The following SYT1 variants were observed in gnomAD, a reference collection of about 807,000 sequenced individuals.
SYT1 encodes synaptotagmin-1.
In SYT1, 8 loss-of-function variants were observed where a neutral mutation model predicts 44.8. The observed-to-expected ratio is 0.18, with a 90% CI of 0.10 to 0.32. SYT1 has a LOEUF of 0.32. Among genes scored for constraint, SYT1 ranks in the 10% least tolerant of loss-of-function variants. The pLI is 1.00. For missense variants in SYT1, 286 were observed against 509.3 expected (o/e 0.56, Z 4.22); for synonymous variants, 154 against 188.8 (o/e 0.82, Z 1.51).
At chr12:79,245,032 GTT>G (rs1876740429) in intron 4 of SYT1, among the ~76,000 whole-genome samples, 1 of 152,068 alleles carries the variant, frequency 6.6e-6, no homozygotes, top group African/African-American at 2.4e-5. Flanking sequence ...TGAGCAATGA[GTT>G]TTCTGGCCGA....
At chr12:79,424,464 G>C (rs374111835) in intron 9 of SYT1, among the ~76,000 whole-genome samples, 2 of 152,156 alleles carry the variant, frequency 1.3e-5, no homozygotes, top group African/African-American at 4.8e-5. Flanking sequence ...CAAGAGTAGA[G>C]AGGGTAGTAC....
At chr12:78,931,175 AAGAAAAAGAAAG>A (rs1877619362) in intron 1 of SYT1, among the ~76,000 whole-genome samples, 1 of 119,092 alleles carries the variant, frequency 8.4e-6, no homozygotes, top group African/African-American at 3.8e-5. Flanking sequence ...GAAAGAAAGA[AAGAAAAAGAAAG>A]AAAGAAAGAA....
chr12:78,961,716 C>G (rs1429236169), intron 1 of SYT1, among the ~76,000 whole-genome samples: 1 of 152,038 alleles, frequency 6.6e-6, no homozygotes, highest in African/African-American at 2.4e-5. Context: ...CAGAAGGGCT[C>G]TTAGTACAGA....
intron 3 of SYT1, among the ~76,000 whole-genome samples, chr12:79,148,323 A>T (rs1870051310): frequency 6.6e-6 from 1 of 152,174 alleles, no homozygotes; most frequent in Non-Finnish European, 1.5e-5. Flanking sequence ...AGGTAAAAAT[A>T]ATCAATTTAG....
At chr12:79,146,572 A>AG (rs540868841) in intron 3 of SYT1, among the ~76,000 whole-genome samples, 69 of 152,338 alleles carry the variant, frequency 4.5e-4, no homozygotes, top group Non-Finnish European at 8.1e-4. Flanking sequence ...TGCTTTGAGT[A>AG]GTGTGAAATG....
rs535653658 is a variant in SYT1, at chr12:79,259,488, C to G, written c.167-26299C>G. On this transcript the variant is annotated intron_variant, in intron 4 of 10. Transcript: ENST00000261205. ...GTGGCTCATGCCTATAATCCCAGCA[C>G]TTTAGGAAGCAAAGACTGGAGAATG... is the stretch of plus-strand genomic sequence containing the variant. Among the ~76,000 whole-genome samples, 3 of 152,268 alleles carry G rather than the reference C, an allele frequency of 2.0e-5. No homozygotes were observed. The East Asian group carries it at 5.8e-4, about 29-fold the overall frequency.
intron 9 of SYT1, among the ~76,000 whole-genome samples, chr12:79,382,082 A>C (rs1043244984): frequency 1.3e-5 from 2 of 152,062 alleles, no homozygotes; most frequent in Non-Finnish European, 2.9e-5. Context: ...CGTGTTTTTC[A>C]ATCAGTCGTC....
chr12:79,246,386 G>C (rs536761124), intron 4 of SYT1, among the ~76,000 whole-genome samples: 20 of 151,966 alleles, frequency 1.3e-4, no homozygotes, highest in Admixed American at 2.0e-4. Context: ...TCTTTCTCTG[G>C]ATTTCCACTT....
intron 3 of SYT1, among the ~76,000 whole-genome samples, chr12:79,126,254 GT>G (rs1868430528): frequency 6.6e-6 from 1 of 152,056 alleles, no homozygotes; most frequent in Non-Finnish European, 1.5e-5. Flanking sequence ...GTTTTGTTTT[GT>G]TTTGTTTTGT....
chr12:79,307,637 TGGG>T (rs545660437), intron 8 of SYT1, among the ~76,000 whole-genome samples: 1,381 of 14,088 alleles, frequency 0.098, 26 homozygotes, highest in African/African-American at 0.24. Context: ...TGGGGGGGCG[TGGG>T]GGGGGGCGGC....
At chr12:78,939,229 G>A (rs1008725864) in intron 1 of SYT1, among the ~76,000 whole-genome samples, 1 of 152,182 alleles carries the variant, frequency 6.6e-6, no homozygotes, top group South Asian at 2.1e-4. Context: ...AAATGCAAAT[G>A]TGGACTATGA....
chr12:79,029,006 A>G (rs1306187045), intron 2 of SYT1, among the ~76,000 whole-genome samples: 3 of 151,194 alleles, frequency 2.0e-5, no homozygotes, highest in East Asian at 1.9e-4. Flanking sequence ...AAAATATTTC[A>G]TTTTTCTATA....
chr12:79,385,332 A>AT (rs1021678865), intron 9 of SYT1, among the ~76,000 whole-genome samples: 5 of 151,960 alleles, frequency 3.3e-5, no homozygotes, highest in East Asian at 1.9e-4. Flanking sequence ...TCAAAAAAAG[A>AT]TTTTTTTTTC....
Position 79,353,594 on chromosome 12 carries a change from G to A in SYT1, c.903G>A (p.Lys301=), listed in dbSNP as rs762485571. The A allele has an allele frequency of 6.2e-7, 1 of 1,614,048 alleles. No individual in the cohort carries two copies. The highest frequency in any genetic ancestry group is 8.5e-7 in the Non-Finnish European group (1 of 1,179,874). The change falls in exon 9 of 11, where the codon AAG becomes AAA. Residue 301 remains lysine (K), a synonymous_variant. Transcript: ENST00000261205. ...TCATTCTGGAGGCAAAGAACCTGAA[G>A]AAGATGGATGTGGGTGGCTTATCCG... is the stretch of plus-strand genomic sequence containing the variant. ...TVVILEAKNL[K]KMDVGGLSDP... is the part of the protein sequence containing the mutation.
intron 9 of SYT1, among the ~76,000 whole-genome samples, chr12:79,375,153 G>A (rs948377052): frequency 1.3e-5 from 2 of 151,720 alleles, no homozygotes; most frequent in East Asian, 1.9e-4. Context: ...CTTAGCTTAC[G>A]ACCTACAGAA....
intron 1 of SYT1, among the ~76,000 whole-genome samples, chr12:78,897,983 A>G (rs1251897199): frequency 6.6e-6 from 1 of 151,988 alleles, no homozygotes; most frequent in East Asian, 1.9e-4. Flanking sequence ...AAAGGGTGAA[A>G]CATCTCAGAT....
intron 6 of SYT1, among the ~76,000 whole-genome samples, chr12:79,295,413 T>A (rs1389171995): frequency 1.3e-5 from 2 of 152,176 alleles, no homozygotes; most frequent in Non-Finnish European, 2.9e-5. Flanking sequence ...AAACCTCACC[T>A]CTAATCTCCC....
At chr12:79,149,990 A>G (rs192304706) in intron 3 of SYT1, among the ~76,000 whole-genome samples, 24 of 152,322 alleles carry the variant, frequency 1.6e-4, no homozygotes, top group South Asian at 4.1e-4. Context: ...TTTGTTATGT[A>G]ACCCAGATTA....
chr12:79,125,419 T>A (rs1565817405), intron 3 of SYT1, among the ~76,000 whole-genome samples: 2 of 143,964 alleles, frequency 1.4e-5, no homozygotes, highest in Non-Finnish European at 3.0e-5. Flanking sequence ...AAGACCAGCC[T>A]GGGAAACATA....
Sources: gnomAD v4.1 joint callset for allele counts (sites outside exome capture counted in the v4.1 genomes callset) on GRCh38, gnomAD v4.1.1 for gene constraint, MANE v1.5 for transcripts, NCBI Gene and HGNC (gene_info 2026-07-23, HGNC 2026-07-21) for gene names.